Variants in WNT2 observed in about 807,000 individuals in gnomAD.
The protein encoded by WNT2 is Wnt family member 2.
In WNT2, 12 loss-of-function variants were observed where a neutral mutation model predicts 36.9. That is an observed-to-expected ratio of 0.33 (90% CI 0.21 to 0.53). The LOEUF is 0.53. WNT2 is among the 20% of genes least tolerant of loss of function. WNT2 has a pLI of 0.95. For missense variants in WNT2, 379 were observed against 473.1 expected, an observed-to-expected ratio of 0.80 and a Z score of 1.84; for synonymous variants, 163 against 174.6, an observed-to-expected ratio of 0.93 and a Z score of 0.52.
chr7:117,298,321 G>A (rs373376602), intron 3 of WNT2, among the ~76,000 whole-genome samples: 44 of 152,234 alleles, frequency 2.9e-4, no homozygotes, highest in Middle Eastern at 3.4e-3. Flanking sequence ...TGCTAAGTCC[G>A]AATCCTGCAA....
rs144979159 is a variant in WNT2, at chr7:117,322,919, T to A, written c.71A>T (p.Asn24Ile). The A allele has an allele frequency of 6.2e-6, 10 of 1,611,298 alleles. No individual in the cohort carries two copies. Among genetic ancestry groups the A allele is most frequent in the Non-Finnish European group, 8.5e-6 (10 of 1,179,422 alleles). Residue 24 changes from asparagine (N) to isoleucine (I), a missense_variant, in exon 1 of 5, where the codon AAC (asparagine) becomes ATC (isoleucine). Asn to Ile is a moderately radical substitution (Grantham distance 149). Transcript: ENST00000265441. This position sits in a 1 kb window ranked among gnomAD's most constrained non-coding sequence, Gnocchi z 5.4. ...LLLTWLTPEV[N>I]SSWWYMRATG... is the part of the protein sequence containing the mutation. ...CGCGTGGACTTACCACCATGAAGAGTTGACCTCGGGGGTGAGCCAGGTCAA... is the reference window on the plus strand; with the variant it reads ...CGCGTGGACTTACCACCATGAAGAGATGACCTCGGGGGTGAGCCAGGTCAA...
Position 117,322,790 on chromosome 7 carries a change from G to C in WNT2, c.83+117C>G, listed in dbSNP as rs1045804231. 4 of 1,003,282 alleles carry C rather than the reference G, an allele frequency of 4.0e-6. No individual in the cohort carries two copies. The highest frequency in any genetic ancestry group is 6.2e-6 in the Non-Finnish European group (4 of 649,264). The allele number at this position is 1,003,282 out of a possible 1,614,324, so 62.1% of individuals were successfully genotyped here. A position where few individuals can be genotyped will look rare whatever the true frequency, so the allele number is the denominator to read the frequency against. On this transcript the variant is annotated intron_variant, in intron 1 of 4. Coordinates refer to ENST00000265441, the MANE Select transcript of WNT2 (RefSeq NM_003391.3). This position sits in a 1 kb window ranked among gnomAD's most constrained non-coding sequence, Gnocchi z 5.4. ...ATAAGAGGGCAGTAGCCAGGGTTCG[G>C]GCCAGAATCCGAGACTGCTGCGGCC...
At chr7:117,283,361 C>T (rs1303857900) in intron 4 of WNT2, among the ~76,000 whole-genome samples, 1 of 152,218 alleles carries the variant, frequency 6.6e-6, no homozygotes, top group African/African-American at 2.4e-5. Context: ...TTCCCTTCTA[C>T]TGATCTGTAT....
chr7:117,315,540 T>C lies in WNT2; in HGVS notation c.311-192A>G, dbSNP rs559589069. Among the ~76,000 whole-genome samples, 4 of 152,320 alleles carry C rather than the reference T, an allele frequency of 2.6e-5. No individual in the cohort carries two copies. In the East Asian group the frequency reaches 7.7e-4, roughly 29 times the overall value. On this transcript the variant is annotated intron_variant, in intron 2 of 4. Transcript: ENST00000265441. ...TAATATGAACCATCTCCATCTAATA[T>C]AGGTTTTTGTCAATTTAGGTATCTG...
At chr7:117,289,793 C>CA (rs1393685492) in intron 4 of WNT2, among the ~76,000 whole-genome samples, 1 of 152,162 alleles carries the variant, frequency 6.6e-6, no homozygotes, top group Non-Finnish European at 1.5e-5. Context: ...TCGCTATACA[C>CA]ACTGTGGCAC....
At chr7:117,320,167 T>C (rs543933901) in intron 2 of WNT2, among the ~76,000 whole-genome samples, 6 of 152,354 alleles carry the variant, frequency 3.9e-5, no homozygotes, top group South Asian at 2.1e-4. Flanking sequence ...GAGAAAAGAT[T>C]TGAAGATTCT....
At chr7:117,320,912 G>C (rs1795312816) in intron 1 of WNT2, 119 bp from the exon 2 acceptor site, 7 of 882,888 alleles carry the variant, frequency 7.9e-6, no homozygotes, top group Admixed American at 4.6e-5. Context: ...TTATCCTTCT[G>C]GTGATATTAG....
At chr7:117,321,609 A>G (rs1795327841) in intron 1 of WNT2, among the ~76,000 whole-genome samples, 1 of 152,222 alleles carries the variant, frequency 6.6e-6, no homozygotes, top group South Asian at 2.1e-4. Context: ...TGAAGCGATC[A>G]AACAAGGAGA....
intron 4 of WNT2, among the ~76,000 whole-genome samples, chr7:117,290,502 A>C (rs1203325082): frequency 6.6e-6 from 1 of 152,214 alleles, no homozygotes; most frequent in Non-Finnish European, 1.5e-5. Flanking sequence ...AGCCTCAGTG[A>C]AACATTTTTT....
At chr7:117,296,619 A>AT (rs1794795464) in intron 4 of WNT2, among the ~76,000 whole-genome samples, 1 of 152,120 alleles carries the variant, frequency 6.6e-6, no homozygotes, top group Non-Finnish European at 1.5e-5. Context: ...ACTTGTACTC[A>AT]TTCTTATTTT....
At chr7:117,316,884 C>G (rs1458146152) in intron 2 of WNT2, among the ~76,000 whole-genome samples, 1 of 152,164 alleles carries the variant, frequency 6.6e-6, no homozygotes, top group Non-Finnish European at 1.5e-5. Flanking sequence ...CACAGATATT[C>G]TAAGTGGAAT....
At chr7:117,307,852 T>C (rs1180841551) in intron 3 of WNT2, among the ~76,000 whole-genome samples, 2 of 152,344 alleles carry the variant, frequency 1.3e-5, no homozygotes, top group Non-Finnish European at 2.9e-5. Context: ...CAACTTGTCT[T>C]AGAAATCCTA....
At chr7:117,302,977 G>C (rs551007279) in intron 3 of WNT2, among the ~76,000 whole-genome samples, 5 of 152,292 alleles carry the variant, frequency 3.3e-5, no homozygotes, top group South Asian at 2.1e-4. Flanking sequence ...ACAGGAATTT[G>C]AGGCTTTCTT....
rs145648648 is a variant in WNT2, at chr7:117,278,234, C to T, written c.1004G>A (p.Arg335His). Residue 335 changes from arginine (R) to histidine (H), a missense_variant, in exon 5 of 5, where the codon CGC becomes CAC. By Grantham distance (29) the Arg-to-His change is conservative. Coordinates refer to ENST00000265441, the MANE Select transcript of WNT2 (RefSeq NM_003391.3). ...CAGAGCTTCCAGGCAGTCCTGACAG[C>T]GCACGGCGCAGCACCAGTGGAACTT... ...GCKFHWCCAV[R>H]CQDCLEALDV... is the part of the protein sequence containing the mutation. The T allele has an allele frequency of 5.9e-4, 948 of 1,614,228 alleles. 5 individuals carry two copies. The highest frequency in any genetic ancestry group is 8.2e-4 in the Middle Eastern group (5 of 6,062).
At chr7:117,283,419 C>A (rs1050274267) in intron 4 of WNT2, among the ~76,000 whole-genome samples, 1 of 152,194 alleles carries the variant, frequency 6.6e-6, no homozygotes, top group Non-Finnish European at 1.5e-5. Flanking sequence ...CTTTATCTGC[C>A]GTAGGGCTTT....
Position 117,283,513 on chromosome 7 carries a change from A to G in WNT2, c.854-5129T>C, listed in dbSNP as rs138117348. On this transcript the variant is annotated intron_variant, in intron 4 of 4. Transcript: ENST00000265441. ...GCCTTTCACTGAAATCTAACTTGGT[A>G]GTCTTTCTTTCCTGAGTGGCTTCCA... 7.9e-3 allele frequency among the ~76,000 whole-genome samples: 1,198 copies of G among 152,294 alleles called. 14 individuals carry two copies. The highest frequency in any genetic ancestry group is 0.027 in the African/African-American group (1,131 of 41,558).
intron 2 of WNT2, among the ~76,000 whole-genome samples, chr7:117,316,528 A>C (rs1795223170): frequency 2.0e-5 from 3 of 152,236 alleles, no homozygotes; most frequent in South Asian, 4.1e-4. Context: ...TTTGAACCAC[A>C]CAGCTGGGAG....
Position 117,322,880 on chromosome 7 carries a change from C to G in WNT2, c.83+27G>C. 6.5e-7 allele frequency: 1 copy of G among 1,531,232 alleles called. No homozygotes were observed. Among genetic ancestry groups the G allele is most frequent in the Non-Finnish European group, 8.7e-7 (1 of 1,145,400 alleles). The allele number at this position is 1,531,232 out of a possible 1,614,324, so 94.9% of individuals were successfully genotyped here. A position where few individuals can be genotyped will look rare whatever the true frequency, so the allele number is the denominator to read the frequency against. On this transcript the variant is annotated intron_variant, in intron 1 of 4. Coordinates refer to ENST00000265441, the MANE Select transcript of WNT2 (RefSeq NM_003391.3). This position sits in a 1 kb window ranked among gnomAD's most constrained non-coding sequence, Gnocchi z 5.4. ...CGGTCCCCATTCCGATCTCCAAAATCCCCCGCGCCCGTGCGCGTGGACTTA... is the reference window on the plus strand; with the variant it reads ...CGGTCCCCATTCCGATCTCCAAAATGCCCCGCGCCCGTGCGCGTGGACTTA...
At chr7:117,291,820 C>T (rs1014471114) in intron 4 of WNT2, among the ~76,000 whole-genome samples, 1 of 152,170 alleles carries the variant, frequency 6.6e-6, no homozygotes, top group Non-Finnish European at 1.5e-5. Flanking sequence ...TCTTGCTGCC[C>T]AGGCTGGAGT....
Sources: allele counts gnomAD v4.1 joint callset (sites outside exome capture counted in the v4.1 genomes callset), GRCh38; gene constraint gnomAD v4.1.1; non-coding constraint Gnocchi (gnomAD v3.1); transcripts MANE v1.5; gene names NCBI Gene and HGNC (gene_info 2026-07-23, HGNC 2026-07-21).